Variants in IQSEC1 observed in about 807,000 individuals in gnomAD.
IQSEC1 encodes IQ motif and Sec7 domain ArfGEF 1, also known as IQ motif and SEC7 domain-containing protein 1.
A neutral mutation model predicts 91.0 loss-of-function variants in IQSEC1; 31 were observed. The ratio of observed to expected loss-of-function variants is 0.34; its 90% CI spans 0.26 to 0.46. The LOEUF (loss-of-function observed/expected upper bound fraction) is 0.46. IQSEC1 is among the 20% of genes least tolerant of loss of function. The pLI is 1.00. For missense variants in IQSEC1, 1,388 were observed against 1,575.6 expected, an observed-to-expected ratio of 0.88 and a Z score of 2.02; for synonymous variants, 699 against 662.6, an observed-to-expected ratio of 1.05 and a Z score of -0.84.
chr3:12,900,369 G>A lies in IQSEC1; in HGVS notation c.*614C>T, dbSNP rs1008134945. 1.0e-6 allele frequency: 1 copy of A among 984,776 alleles called. No individual in the cohort carries two copies. Among genetic ancestry groups the A allele is most frequent in the Non-Finnish European group, 1.2e-6 (1 of 829,826 alleles). 61.0% of individuals were successfully genotyped at this position (984,776 alleles called of 1,614,324 possible). A position where few individuals can be genotyped will look rare whatever the true frequency, so the allele number is the denominator to read the frequency against. On this transcript the variant is annotated 3_prime_UTR_variant, in exon 14 of 14. Transcript: ENST00000613206. ...CAGCTAAGGTACTGTCTTCCTATTA[G>A]GTAAGTGGAGCTCCTTGTAAGGTGG...
chr3:13,028,424 G>A (rs1182125389), intron 1 of IQSEC1, among the ~76,000 whole-genome samples: 2 of 152,198 alleles, frequency 1.3e-5, no homozygotes, highest in South Asian at 2.1e-4. Flanking sequence ...CAGTCTTATC[G>A]AGTTATGCCA....
intron 1 of IQSEC1, chr3:13,022,375 G>C: frequency 8.7e-7 from 1 of 1,151,684 alleles, no homozygotes; most frequent in Non-Finnish European, 1.1e-6. Flanking sequence ...TCCTGGCCAA[G>C]CGGCCCTCAC....
intron 1 of IQSEC1, among the ~76,000 whole-genome samples, chr3:13,234,705 C>T (rs913038264): frequency 3.9e-5 from 6 of 152,272 alleles, no homozygotes; most frequent in Non-Finnish European, 8.8e-5. Context: ...CACACAAGAT[C>T]GGATTTTCTT....
chr3:12,926,323 A>C (rs1697130198), intron 3 of IQSEC1, among the ~76,000 whole-genome samples: 1 of 149,706 alleles, frequency 6.7e-6, no homozygotes, highest in African/African-American at 2.5e-5. Context: ...AAAAAAAAAA[A>C]CAAAAAAGGA....
At chr3:13,129,761 C>T (rs1325837668) in intron 2 of IQSEC1, among the ~76,000 whole-genome samples, 1 of 149,112 alleles carries the variant, frequency 6.7e-6, no homozygotes, top group Non-Finnish European at 1.5e-5. Context: ...GGATTCATGC[C>T]ATTCTCCTGC....
chr3:13,242,134 G>A (rs964077546), intron 1 of IQSEC1, among the ~76,000 whole-genome samples: 6 of 152,316 alleles, frequency 3.9e-5, no homozygotes, highest in Non-Finnish European at 7.3e-5. Flanking sequence ...CACTGTGAGA[G>A]CCCCAGGCCT....
chr3:12,904,973 C>T (rs1321747849), intron 12 of IQSEC1, among the ~76,000 whole-genome samples: 1 of 152,200 alleles, frequency 6.6e-6, no homozygotes, highest in Non-Finnish European at 1.5e-5. Context: ...GTCTTACAAT[C>T]TACTTTCTCA....
In IQSEC1 at chr3:13,008,442, G is replaced by T. The variant is rs569528291; in HGVS notation, c.23+64550C>A. On this transcript the variant is annotated intron_variant, in intron 1 of 13. Transcript: ENST00000613206. This position sits in a 1 kb window ranked among gnomAD's most constrained non-coding sequence, Gnocchi z 4.1. ...GTCCTTTGAGCCTGAATCCCCAGGGGGCTGTTCATACTCCTCTTCCCTCTG... is the reference window on the plus strand; with the variant it reads ...GTCCTTTGAGCCTGAATCCCCAGGGTGCTGTTCATACTCCTCTTCCCTCTG... Among the ~76,000 whole-genome samples, 10 of 152,192 alleles carry T rather than the reference G, an allele frequency of 6.6e-5. No homozygotes were observed. The highest frequency in any genetic ancestry group is 2.2e-4 in the African/African-American group (9 of 41,514).
At chr3:12,938,470 G>A (rs562667105) in intron 2 of IQSEC1, among the ~76,000 whole-genome samples, 2 of 152,186 alleles carry the variant, frequency 1.3e-5, no homozygotes, top group East Asian at 3.9e-4. Flanking sequence ...AGAAGAGCTG[G>A]GGGGGCTTGA....
At chr3:13,107,971 C>T (rs531603470) in intron 2 of IQSEC1, among the ~76,000 whole-genome samples, 52 of 152,302 alleles carry the variant, frequency 3.4e-4, no homozygotes, top group African/African-American at 1.2e-3. Context: ...GGAGCAGCCC[C>T]GCATGCTGCC....
At chr3:13,159,875 G>A (rs1707142020) in intron 2 of IQSEC1, among the ~76,000 whole-genome samples, 1 of 152,078 alleles carries the variant, frequency 6.6e-6, no homozygotes, top group Admixed American at 6.6e-5. Context: ...CCTCCACCCG[G>A]TCATTCATTT....
intron 1 of IQSEC1, among the ~76,000 whole-genome samples, chr3:13,246,148 G>A (rs1029296819): frequency 6.6e-6 from 1 of 152,184 alleles, no homozygotes; most frequent in Non-Finnish European, 1.5e-5. Flanking sequence ...AACAAAATGC[G>A]GCCTATCCAT....
intron 1 of IQSEC1, among the ~76,000 whole-genome samples, chr3:13,176,742 G>A (rs1559270613): frequency 1.3e-5 from 2 of 152,238 alleles, no homozygotes. Context: ...GCCGGGAACA[G>A]GCGAGGTCCG....
chr3:12,935,578 T>C lies in IQSEC1; in HGVS notation c.1438A>G (p.Ser480Gly). 1 of 1,614,132 alleles carries C rather than the reference T, an allele frequency of 6.2e-7. No homozygotes were observed. The highest frequency in any genetic ancestry group is 8.5e-7 in the Non-Finnish European group (1 of 1,180,022). The change falls in exon 3 of 14, where the codon AGC becomes GGC. Residue 480 changes from serine (S) to glycine (G), a missense_variant. Transcript: ENST00000613206. The surrounding 1 kb of genome is among the most constrained non-coding windows in gnomAD (Gnocchi z 8.0). ...TTGCTGAGCGTCTGCTCCCGCAGGC[T>C]GTCACGGGACGATGACTCGGAGCTG... ...NCSSESSSRD[S>G]LREQTLSKQT...
chr3:12,920,978 G>T (rs772837291), intron 5 of IQSEC1, among the ~76,000 whole-genome samples: 1 of 152,176 alleles, frequency 6.6e-6, no homozygotes, highest in East Asian at 1.9e-4. Flanking sequence ...CCTGCCCTCC[G>T]GGACCTTGAG....
At chr3:13,013,733 C>T (rs1702993101) in intron 1 of IQSEC1, among the ~76,000 whole-genome samples, 1 of 152,174 alleles carries the variant, frequency 6.6e-6, no homozygotes, top group African/African-American at 2.4e-5. Context: ...GATGGTTTAT[C>T]TGATTTATCA....
chr3:13,276,952 A>G (rs892795597), intron 1 of IQSEC1, among the ~76,000 whole-genome samples: 7 of 151,854 alleles, frequency 4.6e-5, no homozygotes, highest in East Asian at 3.9e-4. Flanking sequence ...CTCCATTTCA[A>G]TTAGGTCAAT....
intron 1 of IQSEC1, among the ~76,000 whole-genome samples, chr3:13,007,909 C>A (rs1411250136): frequency 1.1e-4 from 17 of 152,194 alleles, no homozygotes; most frequent in Admixed American, 4.6e-4. Context: ...GGAGCCCACC[C>A]TTCCCCGGAG....
chr3:13,105,891 G>T (rs1706144021), intron 2 of IQSEC1, among the ~76,000 whole-genome samples: 1 of 152,222 alleles, frequency 6.6e-6, no homozygotes, highest in South Asian at 2.1e-4. Flanking sequence ...AAATTAAAAT[G>T]ATTTTTAAAT....
Sources: allele counts gnomAD v4.1 joint callset (sites outside exome capture counted in the v4.1 genomes callset), GRCh38; gene constraint gnomAD v4.1.1; non-coding constraint Gnocchi (gnomAD v3.1); transcripts MANE v1.5; gene names NCBI Gene and HGNC (gene_info 2026-07-23, HGNC 2026-07-21).